Variants in SYT1 observed in about 807,000 individuals in gnomAD.
SYT1 encodes synaptotagmin 1.
In SYT1, 8 loss-of-function variants were observed where a neutral mutation model predicts 44.8. The observed-to-expected ratio is 0.18, with a 90% CI of 0.10 to 0.32. The LOEUF (loss-of-function observed/expected upper bound fraction) is 0.32. SYT1 is among the 10% of genes least tolerant of loss of function. SYT1 has a pLI of 1.00. For synonymous variants in SYT1, 154 were observed against 188.8 expected (o/e 0.82, Z 1.51); for missense variants, 286 against 509.3 (o/e 0.56, Z 4.22).
chr12:79,160,042 G>A (rs1427940274), intron 3 of SYT1, among the ~76,000 whole-genome samples: 1 of 152,122 alleles, frequency 6.6e-6, no homozygotes, highest in Non-Finnish European at 1.5e-5. Flanking sequence ...TGGAGATGTT[G>A]AGAATAAATG....
intron 3 of SYT1, among the ~76,000 whole-genome samples, chr12:79,109,063 C>T (rs1218471318): frequency 6.6e-6 from 1 of 152,144 alleles, no homozygotes; most frequent in African/African-American, 2.4e-5. Flanking sequence ...GGACTCTCCA[C>T]AAGGCCAGGG....
chr12:78,983,458 T>G (rs554777281), intron 2 of SYT1, among the ~76,000 whole-genome samples: 33 of 152,206 alleles, frequency 2.2e-4, no homozygotes, highest in South Asian at 1.7e-3. Context: ...CTATATTAAG[T>G]TGTCAATGAT....
At chr12:79,423,122 T>C (rs972546424) in intron 9 of SYT1, among the ~76,000 whole-genome samples, 1 of 152,156 alleles carries the variant, frequency 6.6e-6, no homozygotes, top group African/African-American at 2.4e-5. Context: ...GGTTAGAAGC[T>C]ACACTGTACC....
Position 79,065,046 on chromosome 12 carries a change from T to G in SYT1, c.-18+17684T>G, listed in dbSNP as rs148221873. 1.4e-4 allele frequency among the ~76,000 whole-genome samples: 21 copies of G among 152,188 alleles called. No homozygotes were observed. In the South Asian group the frequency reaches 3.1e-3, roughly 23 times the overall value. ...TCTAGGGCTCTAAGGGTTTGCACGC[T>G]GCCACTCTACCATTCTTCACACATT... On this transcript the variant is annotated intron_variant, in intron 3 of 10. Transcript: ENST00000261205.
intron 3 of SYT1, among the ~76,000 whole-genome samples, chr12:79,206,608 C>G (rs547257613): frequency 1.3e-5 from 2 of 152,280 alleles, no homozygotes; most frequent in East Asian, 3.9e-4. Flanking sequence ...TGGCATTTTC[C>G]TTAGCTTCCA....
At chr12:79,114,808 C>T (rs1051176773) in intron 3 of SYT1, among the ~76,000 whole-genome samples, 2 of 151,956 alleles carry the variant, frequency 1.3e-5, no homozygotes, top group Admixed American at 6.6e-5. Context: ...AATGTGTAAG[C>T]CATATAGAAG....
intron 1 of SYT1, among the ~76,000 whole-genome samples, chr12:78,948,624 A>G (rs1164648542): frequency 6.6e-6 from 1 of 151,974 alleles, no homozygotes; most frequent in Admixed American, 6.6e-5. Context: ...GATTATGTGA[A>G]TTTTATTAAC....
At chr12:79,038,394 A>G (rs61928981) in intron 2 of SYT1, among the ~76,000 whole-genome samples, 6,889 of 151,852 alleles carry the variant, frequency 0.045, 202 homozygotes, top group Admixed American at 0.082. Flanking sequence ...TCCAGGATCC[A>G]ATCTAGAATC....
At chr12:79,393,724 T>A (rs1321614276) in intron 9 of SYT1, 1 of 152,234 alleles carries the variant, frequency 6.6e-6, no homozygotes, top group Non-Finnish European at 1.5e-5. Flanking sequence ...ATGGGTAGAT[T>A]GTGAGAATTT....
At chr12:79,266,231 C>T (rs944424627) in intron 4 of SYT1, among the ~76,000 whole-genome samples, 1 of 152,062 alleles carries the variant, frequency 6.6e-6, no homozygotes, top group African/African-American at 2.4e-5. Flanking sequence ...CAGGTAGCCT[C>T]CCCCATGTTA....
Position 79,135,966 on chromosome 12 carries a change from G to C in SYT1, c.-17-81537G>C, listed in dbSNP as rs1357550446. On this transcript the variant is annotated intron_variant, in intron 3 of 10. Coordinates refer to ENST00000261205, the MANE Select transcript of SYT1 (RefSeq NM_005639.3). ...TCAAAGTGGCAAGCTTTCACTCCAA[G>C]TCAACTCAGTGCTCTTTGACTCCCA... is the stretch of plus-strand genomic sequence containing the variant. 2.0e-4 allele frequency among the ~76,000 whole-genome samples: 30 copies of C among 152,192 alleles called. 1 individual carries two copies. The highest frequency in any genetic ancestry group is 2.0e-3 in the Admixed American group (30 of 15,276).
chr12:79,192,704 G>C (rs2138456652), intron 3 of SYT1, among the ~76,000 whole-genome samples: 1 of 152,232 alleles, frequency 6.6e-6, no homozygotes, highest in East Asian at 1.9e-4. Flanking sequence ...TCACTTAGGG[G>C]CCAGCCTTGT....
intron 3 of SYT1, among the ~76,000 whole-genome samples, chr12:79,212,891 C>T (rs1874546214): frequency 6.6e-6 from 1 of 152,146 alleles, no homozygotes; most frequent in African/African-American, 2.4e-5. Context: ...CCAGTTACTT[C>T]TGTAAAATAA....
chr12:79,153,971 G>A (rs1463132080), intron 3 of SYT1, among the ~76,000 whole-genome samples: 1 of 152,080 alleles, frequency 6.6e-6, no homozygotes, highest in Non-Finnish European at 1.5e-5. Context: ...AAAGAACTAT[G>A]AAAACCAAGC....
intron 3 of SYT1, among the ~76,000 whole-genome samples, chr12:79,212,030 C>T (rs2138538897): frequency 1.3e-5 from 2 of 152,114 alleles, no homozygotes; most frequent in Middle Eastern, 6.8e-3. Flanking sequence ...TAGTTTTTGT[C>T]AGGAGGTAGA....
chr12:78,943,612 G>C (rs1011734966), intron 1 of SYT1, among the ~76,000 whole-genome samples: 1 of 152,066 alleles, frequency 6.6e-6, no homozygotes. Flanking sequence ...ATTTGGCAGG[G>C]ACATATATTC....
At chr12:78,877,899 G>C (rs1181322219) in intron 1 of SYT1, among the ~76,000 whole-genome samples, 2 of 151,792 alleles carry the variant, frequency 1.3e-5, no homozygotes, top group Non-Finnish European at 2.9e-5. Context: ...AAGGTACTAG[G>C]ATTACAGGCA....
intron 1 of SYT1, among the ~76,000 whole-genome samples, chr12:78,945,833 C>T (rs1411632198): frequency 6.6e-6 from 1 of 152,170 alleles, no homozygotes; most frequent in African/African-American, 2.4e-5. Context: ...CAACATGCCT[C>T]ACACATATCC....
chr12:78,910,129 C>A (rs1296900033), intron 1 of SYT1, among the ~76,000 whole-genome samples: 1 of 151,866 alleles, frequency 6.6e-6, no homozygotes, highest in Non-Finnish European at 1.5e-5. Flanking sequence ...ATTGAGTGGG[C>A]CCCAGAACTA....
Sources: gnomAD v4.1 joint callset for allele counts (sites outside exome capture counted in the v4.1 genomes callset) on GRCh38, gnomAD v4.1.1 for gene constraint, MANE v1.5 for transcripts, NCBI Gene and HGNC (gene_info 2026-07-23, HGNC 2026-07-21) for gene names.